The following PDCD6IP variants were observed in gnomAD, a reference collection of about 807,000 sequenced individuals.
PDCD6IP encodes programmed cell death 6-interacting protein.
In PDCD6IP, 43 loss-of-function variants were observed where a neutral mutation model predicts 103.7. That is an observed-to-expected ratio of 0.41 (90% CI 0.32 to 0.53). PDCD6IP has a LOEUF of 0.53. Among genes scored for constraint, PDCD6IP ranks in the 20% least tolerant of loss-of-function variants. The pLI is 0.16. For missense variants in PDCD6IP, 871 were observed against 1,036.7 expected (o/e 0.84, Z 2.20); for synonymous variants, 354 against 378.7 (o/e 0.93, Z 0.76).
In PDCD6IP at chr3:33,853,580, A is replaced by G. The variant is rs1470533269; in HGVS notation, c.1891-299A>G. ...CCTAAACATTGTATCTATATATGAT[A>G]TAAAATAACTCCAAAAGGTAAAATA... is the stretch of plus-strand genomic sequence containing the variant. On this transcript the variant is annotated intron_variant, in intron 13 of 17. Transcript: ENST00000307296. Among the ~76,000 whole-genome samples the G allele has an allele frequency of 1.3e-4, 20 of 152,304 alleles. No homozygotes were observed. In the South Asian group the frequency reaches 2.9e-3, roughly 22 times the overall value.
At position 33,865,232 on chromosome 3, in the gene PDCD6IP, T is replaced by C. The variant is rs1227747391; in HGVS notation, c.2245-11T>C. 1 of 1,511,796 alleles carries C rather than the reference T, an allele frequency of 6.6e-7. No individual in the cohort carries two copies. The highest frequency in any genetic ancestry group is 8.8e-7 in the Non-Finnish European group (1 of 1,139,350). 93.6% of individuals were successfully genotyped at this position (1,511,796 alleles called of 1,614,324 possible). ...AAACATTTTATAGTCAATGCTGACT[T>C]TTTCTTATAGCCTACTAAGCCCCAG... On this transcript the variant is annotated splice_polypyrimidine_tract_variant and intron_variant, in intron 16 of 17. Coordinates refer to ENST00000307296, the MANE Select transcript of PDCD6IP (RefSeq NM_013374.6).
chr3:33,864,571 G>A (rs1463491352), intron 16 of PDCD6IP, among the ~76,000 whole-genome samples: 1 of 152,128 alleles, frequency 6.6e-6, no homozygotes, highest in Middle Eastern at 3.2e-3. Flanking sequence ...TTTGCTTTTG[G>A]TTTATAAAAA....
intron 12 of PDCD6IP, among the ~76,000 whole-genome samples, chr3:33,848,588 A>G (rs1292158794): frequency 1.3e-5 from 2 of 152,082 alleles, no homozygotes; most frequent in Non-Finnish European, 2.9e-5. Context: ...TATTTTTAGT[A>G]GAGACGGGGT....
chr3:33,844,920 G>C (rs1697558531), intron 11 of PDCD6IP, among the ~76,000 whole-genome samples: 1 of 151,808 alleles, frequency 6.6e-6, no homozygotes, highest in Non-Finnish European at 1.5e-5. Flanking sequence ...TGCTTCTTAA[G>C]ACTTTGATTA....
chr3:33,837,674 C>T (rs775818450), intron 8 of PDCD6IP, among the ~76,000 whole-genome samples: 18 of 151,870 alleles, frequency 1.2e-4, no homozygotes, highest in East Asian at 9.7e-4. Context: ...CTGCAACCTC[C>T]GCCTCCTGGG....
chr3:33,805,016 A>T (rs1046692874), intron 1 of PDCD6IP, among the ~76,000 whole-genome samples: 1 of 152,110 alleles, frequency 6.6e-6, no homozygotes, highest in Non-Finnish European at 1.5e-5. Context: ...TATTTTGGCC[A>T]TGTGGATTGG....
chr3:33,836,811 A>G (rs1433724014), intron 8 of PDCD6IP, among the ~76,000 whole-genome samples: 1 of 151,902 alleles, frequency 6.6e-6, no homozygotes, highest in Non-Finnish European at 1.5e-5. Context: ...GTGAGCTGAG[A>G]CCGTGCCACC....
intron 3 of PDCD6IP, among the ~76,000 whole-genome samples, 183 bp from the exon 4 acceptor site, chr3:33,821,772 T>C: frequency 6.6e-6 from 1 of 152,210 alleles, no homozygotes; most frequent in Non-Finnish European, 1.5e-5. Context: ...AATATTGTTG[T>C]GGAAATAAAT....
intron 6 of PDCD6IP, chr3:33,828,016 C>G (rs1022162706): frequency 2.6e-5 from 4 of 151,982 alleles, no homozygotes; most frequent in Non-Finnish European, 4.4e-5. Context: ...GATTGTCTAG[C>G]CTAATTCCTT....
chr3:33,862,262 G>A (rs1010094617), intron 15 of PDCD6IP, among the ~76,000 whole-genome samples: 3 of 148,058 alleles, frequency 2.0e-5, no homozygotes, highest in Admixed American at 2.0e-4. Context: ...TTTGATGAAT[G>A]TATACTAGTT....
intron 3 of PDCD6IP, among the ~76,000 whole-genome samples, chr3:33,818,999 G>A (rs889641201): frequency 6.6e-6 from 1 of 151,648 alleles, no homozygotes; most frequent in African/African-American, 2.4e-5. Flanking sequence ...TTTCTTTTTG[G>A]CCCTTTTAGT....
At chr3:33,841,707 G>C (rs1170688688) in intron 9 of PDCD6IP, among the ~76,000 whole-genome samples, 190 bp from the exon 10 acceptor site, 1 of 151,964 alleles carries the variant, frequency 6.6e-6, no homozygotes, top group Non-Finnish European at 1.5e-5. Flanking sequence ...CAAAGTGCTG[G>C]GATTACACGC....
At chr3:33,848,971 T>C (rs1351205063) in intron 12 of PDCD6IP, among the ~76,000 whole-genome samples, 1 of 152,260 alleles carries the variant, frequency 6.6e-6, no homozygotes, top group Non-Finnish European at 1.5e-5. Flanking sequence ...TCAGTGTTAA[T>C]ACATTTTTGT....
Position 33,866,691 on chromosome 3 carries a change from T to A in PDCD6IP, c.*166T>A. ...TAGAAGCTGTGCCCCAGTTCCACAT[T>A]TGATTACACATGTGAGATTTGCTGC... On this transcript the variant is annotated 3_prime_UTR_variant, in exon 18 of 18. Coordinates refer to ENST00000307296, the MANE Select transcript of PDCD6IP (RefSeq NM_013374.6). 2.2e-6 allele frequency: 1 copy of A among 458,064 alleles called. No homozygotes were observed. Among genetic ancestry groups the A allele is most frequent in the Non-Finnish European group, 3.7e-6 (1 of 266,732 alleles). The allele number at this position is 458,064 out of a possible 1,614,324, so 28.4% of individuals were successfully genotyped here.
intron 7 of PDCD6IP, among the ~76,000 whole-genome samples, chr3:33,833,741 A>G (rs1317933606): frequency 6.6e-6 from 1 of 152,128 alleles, no homozygotes; most frequent in Non-Finnish European, 1.5e-5. Flanking sequence ...GGAAAGATAT[A>G]CTGCTTGTTT....
At chr3:33,820,141 G>A (rs965003342) in intron 3 of PDCD6IP, among the ~76,000 whole-genome samples, 6 of 152,070 alleles carry the variant, frequency 3.9e-5, no homozygotes, top group African/African-American at 1.2e-4. Flanking sequence ...AAAATTAGCC[G>A]GGTATGGTGG....
At chr3:33,826,894 G>A (rs1697139287) in intron 6 of PDCD6IP, 3 of 1,102,688 alleles carry the variant, frequency 2.7e-6, no homozygotes, top group African/African-American at 1.7e-5. Context: ...CTGAATCATT[G>A]GTGATTTGGT....
At chr3:33,812,580 G>GCT (rs1696744215) in intron 2 of PDCD6IP, among the ~76,000 whole-genome samples, 2 of 152,218 alleles carry the variant, frequency 1.3e-5, no homozygotes, top group African/African-American at 4.8e-5. Flanking sequence ...CTCCTTAAAG[G>GCT]CTAGATGTTG....
intron 9 of PDCD6IP, among the ~76,000 whole-genome samples, chr3:33,840,501 A>G (rs1163091168): frequency 6.6e-6 from 1 of 152,210 alleles, no homozygotes; most frequent in Non-Finnish European, 1.5e-5. Context: ...TGATTAATGC[A>G]TGGATTTTAC....
Sources: allele counts gnomAD v4.1 joint callset (sites outside exome capture counted in the v4.1 genomes callset), GRCh38; gene constraint gnomAD v4.1.1; transcripts MANE v1.5; gene names NCBI Gene and HGNC (gene_info 2026-07-23, HGNC 2026-07-21).